Variants in LHFPL3 observed in about 807,000 individuals in gnomAD.
The protein encoded by LHFPL3 is LHFPL tetraspan subfamily member 3 protein.
In LHFPL3, 5 loss-of-function variants were observed where a neutral mutation model predicts 19.3. That is an observed-to-expected ratio of 0.26 (90% CI 0.14 to 0.54). The LOEUF is 0.54. Among genes scored for constraint, LHFPL3 ranks in the 20% least tolerant of loss-of-function variants. LHFPL3 has a pLI of 0.94. For missense variants in LHFPL3, 249 were observed against 307.4 expected (o/e 0.81, Z 1.42); for synonymous variants, 133 against 126.2 (o/e 1.05, Z -0.36).
chr7:104,676,990 A>G (rs893948479), intron 1 of LHFPL3, among the ~76,000 whole-genome samples: 24 of 152,254 alleles, frequency 1.6e-4, no homozygotes, highest in Non-Finnish European at 2.9e-4. Context: ...GAACAACATA[A>G]ACAATACAGA....
intron 1 of LHFPL3, among the ~76,000 whole-genome samples, chr7:104,708,650 T>TAC (rs1261230702): frequency 6.6e-6 from 1 of 151,928 alleles, no homozygotes; most frequent in Non-Finnish European, 1.5e-5. Flanking sequence ...TCCTCCCCAC[T>TAC]ACACACACAC....
chr7:104,430,408 A>ATATATGTATATATATATATATATATGTG (rs1791956098), intron 1 of LHFPL3, among the ~76,000 whole-genome samples: 4 of 32,510 alleles, frequency 1.2e-4, no homozygotes, highest in Non-Finnish European at 1.9e-4. Flanking sequence ...ATATATACAT[A>ATATATGTATATATATATATATATATGTG]TATATATATA....
intron 1 of LHFPL3, among the ~76,000 whole-genome samples, chr7:104,407,464 A>G (rs952015275): frequency 1.3e-5 from 2 of 152,138 alleles, no homozygotes; most frequent in Non-Finnish European, 2.9e-5. Flanking sequence ...TGAGACCAGC[A>G]TGGCCTACAT....
At chr7:104,407,663 T>A (rs111684662) in intron 1 of LHFPL3, among the ~76,000 whole-genome samples, 4,690 of 152,154 alleles carry the variant, frequency 0.031, 213 homozygotes, top group East Asian at 0.16. Context: ...TCTCAGGGAA[T>A]AAAAAAAGAG....
chr7:104,515,771 G>A (rs1793908470), intron 1 of LHFPL3, among the ~76,000 whole-genome samples: 1 of 152,170 alleles, frequency 6.6e-6, no homozygotes, highest in Non-Finnish European at 1.5e-5. Context: ...AGTTGGGTCT[G>A]TAGGTAGGGT....
intron 1 of LHFPL3, among the ~76,000 whole-genome samples, chr7:104,544,784 A>G (rs1022454058): frequency 2.0e-5 from 3 of 152,176 alleles, no homozygotes; most frequent in Non-Finnish European, 2.9e-5. Context: ...GGAATGTACA[A>G]TTGTAGAATT....
chr7:104,471,471 T>G (rs1249084945), intron 1 of LHFPL3, among the ~76,000 whole-genome samples: 1 of 152,210 alleles, frequency 6.6e-6, no homozygotes, highest in Non-Finnish European at 1.5e-5. Flanking sequence ...AAGGTAGATA[T>G]TATTACTCTC....
Position 104,721,430 on chromosome 7 carries a change from C to T in LHFPL3, c.446-15245C>T, listed in dbSNP as rs535265972. On this transcript the variant is annotated intron_variant, in intron 1 of 2. Coordinates refer to ENST00000424859, the MANE Select transcript of LHFPL3 (RefSeq NM_199000.3). The stretch of plus-strand genomic sequence containing the variant: ...GGGAGGGATAGCATTAGGAGAAATA[C>T]CTGATGTAAATGATGAGTTGATGGG... Among the ~76,000 whole-genome samples, 50 of 152,074 alleles carry T rather than the reference C, an allele frequency of 3.3e-4. 1 individual carries two copies. In the South Asian group the frequency reaches 9.4e-3, roughly 28 times the overall value.
At chr7:104,746,481 G>A (rs569522329) in intron 2 of LHFPL3, among the ~76,000 whole-genome samples, 20 of 152,170 alleles carry the variant, frequency 1.3e-4, no homozygotes, top group East Asian at 3.8e-4. Context: ...AAGCCAAGGC[G>A]CAGAGAGAGG....
chr7:104,695,439 C>T (rs1792980372), intron 1 of LHFPL3, among the ~76,000 whole-genome samples: 1 of 152,112 alleles, frequency 6.6e-6, no homozygotes, highest in Non-Finnish European at 1.5e-5. Context: ...GGTATATAAC[C>T]TTTTTTGTTG....
chr7:104,670,302 G>T (rs1792452363), intron 1 of LHFPL3, among the ~76,000 whole-genome samples: 1 of 152,154 alleles, frequency 6.6e-6, no homozygotes, highest in African/African-American at 2.4e-5. Flanking sequence ...GGAAAATTGT[G>T]TGACCTCCAG....
chr7:104,747,040 C>G (rs1794059768), intron 2 of LHFPL3, among the ~76,000 whole-genome samples: 1 of 152,126 alleles, frequency 6.6e-6, no homozygotes, highest in South Asian at 2.1e-4. Context: ...TAAGGGTGAT[C>G]ATAGTTGGTC....
At chr7:104,388,669 G>A (rs1191156462) in intron 1 of LHFPL3, among the ~76,000 whole-genome samples, 2 of 152,136 alleles carry the variant, frequency 1.3e-5, no homozygotes, top group Non-Finnish European at 2.9e-5. Context: ...CCAGCCACAT[G>A]TAAAATGAAT....
chr7:104,733,067 G>C (rs922214804), intron 1 of LHFPL3, among the ~76,000 whole-genome samples: 2 of 152,182 alleles, frequency 1.3e-5, no homozygotes, highest in Non-Finnish European at 2.9e-5. Context: ...GTTCTAGTTT[G>C]ATTGCACTGT....
chr7:104,859,100 T>TA (rs35915045), intron 2 of LHFPL3, among the ~76,000 whole-genome samples: 13,430 of 146,806 alleles, frequency 0.091, 1,259 homozygotes, highest in East Asian at 0.44. Context: ...CAGTCTCTAC[T>TA]AAAAAAAAAT....
chr7:104,670,868 T>G (rs919664882), intron 1 of LHFPL3, among the ~76,000 whole-genome samples: 47 of 150,130 alleles, frequency 3.1e-4, no homozygotes, highest in Non-Finnish European at 4.2e-4. Flanking sequence ...TTTGTTTTGT[T>G]TTTTTTTTTT....
chr7:104,563,477 C>A (rs1255654638), intron 1 of LHFPL3, among the ~76,000 whole-genome samples: 2 of 152,302 alleles, frequency 1.3e-5, no homozygotes, highest in African/African-American at 2.4e-5. Flanking sequence ...TTCTTTGACT[C>A]AGAAAGGGAA....
chr7:104,829,782 G>T (rs142364471), intron 2 of LHFPL3, among the ~76,000 whole-genome samples: 4 of 151,900 alleles, frequency 2.6e-5, no homozygotes, highest in East Asian at 1.9e-4. Flanking sequence ...ATAGTGCCAC[G>T]ATAAACATAC....
At chr7:104,736,018 G>C (rs1793808758) in intron 1 of LHFPL3, among the ~76,000 whole-genome samples, 1 of 151,984 alleles carries the variant, frequency 6.6e-6, no homozygotes, top group Non-Finnish European at 1.5e-5. Flanking sequence ...TCATATTGTG[G>C]TTCTATTTTT....
Sources: allele counts gnomAD v4.1 joint callset (sites outside exome capture counted in the v4.1 genomes callset), GRCh38; gene constraint gnomAD v4.1.1; transcripts MANE v1.5; gene names NCBI Gene and HGNC (gene_info 2026-07-23, HGNC 2026-07-21).